AGBL1: variants seen among roughly 807,000 people sequenced by gnomAD.
AGBL1 encodes AGBL carboxypeptidase 1.
Under a neutral mutation model 118.9 loss-of-function variants are expected in AGBL1, and 130 were observed. The observed-to-expected ratio is 1.09, with a 90% CI of 0.95 to 1.26. The LOEUF (loss-of-function observed/expected upper bound fraction) is 1.26. AGBL1 is among the 50% of genes most tolerant of loss of function. The probability of loss-of-function intolerance (pLI) is 0.00; values close to 1 mark genes in which losing one functional copy is unlikely to be tolerated. For missense variants in AGBL1, 1,584 were observed against 1,298.1 expected, an observed-to-expected ratio of 1.22 and a Z score of -3.38; for synonymous variants, 555 against 478.9, an observed-to-expected ratio of 1.16 and a Z score of -2.08.
intron 23 of AGBL1, among the ~76,000 whole-genome samples, chr15:86,924,668 G>A (rs191437834): frequency 4.6e-5 from 7 of 152,248 alleles, no homozygotes; most frequent in African/African-American, 1.4e-4. Flanking sequence ...AAGATTGTTC[G>A]TAGGTTCCCT....
chr15:86,458,325 G>A (rs1435146891), intron 18 of AGBL1, among the ~76,000 whole-genome samples: 1 of 152,064 alleles, frequency 6.6e-6, no homozygotes, highest in Non-Finnish European at 1.5e-5. Context: ...TATGCCATAT[G>A]TAGTCTATAT....
At chr15:86,513,530 A>G (rs1405151039) in intron 18 of AGBL1, among the ~76,000 whole-genome samples, 1 of 152,032 alleles carries the variant, frequency 6.6e-6, no homozygotes, top group East Asian at 1.9e-4. Context: ...TGGGATTAGT[A>G]AGTGTCTTGT....
chr15:86,488,359 C>T (rs2082737351), intron 18 of AGBL1, among the ~76,000 whole-genome samples: 1 of 151,768 alleles, frequency 6.6e-6, no homozygotes, highest in South Asian at 2.1e-4. Context: ...ATGTGAAGTC[C>T]AGTTCCAGCT....
intron 21 of AGBL1, among the ~76,000 whole-genome samples, chr15:86,579,053 T>C (rs1446747496): frequency 6.6e-6 from 1 of 152,192 alleles, no homozygotes; most frequent in Non-Finnish European, 1.5e-5. Flanking sequence ...CAAAAGACTT[T>C]TGTAAAAGCC....
At chr15:86,938,972 A>G (rs1348918372) in intron 23 of AGBL1, 1 of 152,252 alleles carries the variant, frequency 6.6e-6, no homozygotes, top group Non-Finnish European at 1.5e-5. Context: ...CTTGCCACAA[A>G]GAGCCTTGGG....
intron 21 of AGBL1, among the ~76,000 whole-genome samples, chr15:86,628,221 C>G (rs2469193): frequency 6.6e-6 from 1 of 151,954 alleles, no homozygotes; most frequent in African/African-American, 2.4e-5. Context: ...GTGAAGCCCC[C>G]GCATTTCCAT....
At chr15:86,679,114 C>T (rs77256487) in intron 22 of AGBL1, among the ~76,000 whole-genome samples, 1,739 of 152,112 alleles carry the variant, frequency 0.011, 26 homozygotes, top group East Asian at 0.071. Context: ...GCTGCCAAAA[C>T]CTAACCCACT....
intron 17 of AGBL1, among the ~76,000 whole-genome samples, chr15:86,387,450 A>G (rs1567230829): frequency 1.3e-5 from 2 of 152,030 alleles, no homozygotes; most frequent in Admixed American, 6.5e-5. Flanking sequence ...TCGTTTTCAC[A>G]CCTTATATGC....
intron 5 of AGBL1, among the ~76,000 whole-genome samples, chr15:86,184,088 G>A (rs1040849442): frequency 1.3e-5 from 2 of 152,168 alleles, no homozygotes; most frequent in African/African-American, 4.8e-5. Context: ...ATGTCTTATT[G>A]ATAGAGATGT....
At chr15:86,163,822 A>G (rs777708010) in intron 5 of AGBL1, among the ~76,000 whole-genome samples, 15 of 152,266 alleles carry the variant, frequency 9.9e-5, no homozygotes, top group Non-Finnish European at 1.9e-4. Context: ...AATGAATGAA[A>G]GCCAGAATGT....
At chr15:86,476,357 A>G (rs1002609350) in intron 18 of AGBL1, among the ~76,000 whole-genome samples, 7 of 152,240 alleles carry the variant, frequency 4.6e-5, no homozygotes, top group African/African-American at 1.7e-4. Flanking sequence ...AGAGACACAC[A>G]TAGGCTCAAA....
intron 23 of AGBL1, among the ~76,000 whole-genome samples, chr15:86,971,135 A>G (rs1050103637): frequency 2.6e-5 from 4 of 152,060 alleles, no homozygotes; most frequent in African/African-American, 9.7e-5. Flanking sequence ...AGTTCAAACC[A>G]AATTAGAAGA....
chr15:86,846,773 C>T (rs962978089), intron 22 of AGBL1, among the ~76,000 whole-genome samples: 1 of 152,180 alleles, frequency 6.6e-6, no homozygotes, highest in Non-Finnish European at 1.5e-5. Context: ...CTCAAGTGAT[C>T]CACCCGCCTC....
At chr15:86,904,012 C>T (rs1241587743) in intron 22 of AGBL1, among the ~76,000 whole-genome samples, 2 of 139,808 alleles carry the variant, frequency 1.4e-5, no homozygotes, top group Non-Finnish European at 3.2e-5. Flanking sequence ...GAGTAGAAGC[C>T]TAGGCTCCCT....
In AGBL1 at chr15:86,911,771, A is replaced by C. The variant is rs1666708062; in HGVS notation, c.*4477A>C. The C allele has an allele frequency of 2.6e-5, 4 of 152,186 alleles. No homozygotes were observed. The highest frequency in any genetic ancestry group is 2.6e-4 in the Admixed American group (4 of 15,284). 9.4% of individuals were successfully genotyped at this position (152,186 alleles called of 1,614,324 possible). ...TTTGGGAATATCAAAACTCAGTTCAAATATCACCTTTCTTCTATAAAACTT... is the reference window on the plus strand; with the variant it reads ...TTTGGGAATATCAAAACTCAGTTCACATATCACCTTTCTTCTATAAAACTT... On this transcript the variant is annotated 3_prime_UTR_variant, in exon 23 of 23. Coordinates refer to ENST00000614907, the MANE Select transcript of AGBL1 (RefSeq NM_001386094.1).
chr15:86,143,886 T>G (rs1312275947), intron 3 of AGBL1, 41 bp downstream of exon 3: 2 of 1,600,774 alleles, frequency 1.2e-6, no homozygotes, highest in African/African-American at 1.3e-5. Flanking sequence ...GAAAAGGCAC[T>G]TCTAGGGTTG....
intron 18 of AGBL1, among the ~76,000 whole-genome samples, chr15:86,460,957 C>T (rs148320410): frequency 5.5e-4 from 83 of 152,240 alleles, no homozygotes; most frequent in Non-Finnish European, 1.1e-3. Context: ...AGAGAACTGG[C>T]GGTTCAGTAC....
At chr15:86,825,210 A>G (rs2078990293) in intron 22 of AGBL1, among the ~76,000 whole-genome samples, 1 of 151,988 alleles carries the variant, frequency 6.6e-6, no homozygotes, top group Non-Finnish European at 1.5e-5. Flanking sequence ...CATAGGAAAG[A>G]AAATGCACCT....
chr15:86,249,542 C>CTG (rs2078774853), intron 7 of AGBL1, among the ~76,000 whole-genome samples: 1 of 152,112 alleles, frequency 6.6e-6, no homozygotes, highest in Non-Finnish European at 1.5e-5. Context: ...TTCTATTTCT[C>CTG]GACATGAAGC....
Sources: gnomAD v4.1 joint callset for allele counts (sites outside exome capture counted in the v4.1 genomes callset) on GRCh38, gnomAD v4.1.1 for gene constraint, MANE v1.5 for transcripts, NCBI Gene and HGNC (gene_info 2026-07-23, HGNC 2026-07-21) for gene names.